Variants in MEIOB observed in about 807,000 individuals in gnomAD.
The protein encoded by MEIOB is meiosis-specific with OB domain-containing protein.
In MEIOB, 50 loss-of-function variants were observed where a neutral mutation model predicts 53.1. The observed-to-expected ratio is 0.94, with a 90% CI of 0.75 to 1.19. The LOEUF (loss-of-function observed/expected upper bound fraction) is 1.19. MEIOB is among the 50% of genes most tolerant of loss of function. MEIOB has a pLI of 0.00. For missense variants in MEIOB, 551 were observed against 550.8 expected (o/e 1.00, Z 0.00); for synonymous variants, 192 against 182.5 (o/e 1.05, Z -0.42).
At chr16:1,867,981 C>A in intron 2 of MEIOB, 126 bp downstream of exon 2, 2 of 528,654 alleles carry the variant, frequency 3.8e-6, no homozygotes, top group Non-Finnish European at 6.9e-6. Flanking sequence ...ACAATTATAC[C>A]AATGCAATGA....
At chr16:1,866,952 C>T (rs1899609072) in intron 2 of MEIOB, among the ~76,000 whole-genome samples, 1 of 152,056 alleles carries the variant, frequency 6.6e-6, no homozygotes, top group African/African-American at 2.4e-5. Context: ...CTTATACTTG[C>T]AGATCTCACT....
chr16:1,842,878 G>C (rs1402657226), intron 10 of MEIOB, among the ~76,000 whole-genome samples: 2 of 149,114 alleles, frequency 1.3e-5, no homozygotes, highest in South Asian at 2.1e-4. Context: ...TAGCCAGGAT[G>C]GTTTCCATCT....
At position 1,839,409 on chromosome 16, in the gene MEIOB, G is replaced by A. The variant is rs1898839021; in HGVS notation, c.1064C>T (p.Ala355Val). The A allele has an allele frequency of 1.2e-6, 2 of 1,613,058 alleles. No individual in the cohort carries two copies. Among genetic ancestry groups the A allele is most frequent in the African/African-American group, 2.7e-5 (2 of 74,872 alleles). Residue 355 changes from alanine (A) to valine (V), a missense_variant, in exon 12 of 14, where the codon GCA (alanine) becomes GTA (valine). Coordinates refer to ENST00000325962, the MANE Select transcript of MEIOB (RefSeq NM_001163560.3). ...CSSCGYIVNE[A>V]SNMCTTCNKN... ...GTTGCAAGTTGTGCACATGTTAGAT[G>A]CTTCATTTACAATATAACCACAGCT...
In MEIOB at chr16:1,869,313, C is replaced by T. The variant is rs573170711; in HGVS notation, c.-9-1129G>A. On this transcript the variant is annotated intron_variant, in intron 1 of 13. Transcript: ENST00000325962. ...CCAATTTTTGTATTTTTAGTAGAGA[C>T]GAGGTTTCACCATGTTGGCCAGGCT... Among the ~76,000 whole-genome samples the T allele has an allele frequency of 5.3e-5, 8 of 150,934 alleles. No individual in the cohort carries two copies. In the South Asian group the frequency reaches 6.3e-4, roughly 12 times the overall value.
intron 13 of MEIOB, among the ~76,000 whole-genome samples, chr16:1,836,514 T>C (rs1289296170): frequency 6.6e-6 from 1 of 152,020 alleles, no homozygotes; most frequent in East Asian, 1.9e-4. Context: ...TAGGGGCCCA[T>C]GCTAACTGTT....
intron 6 of MEIOB, among the ~76,000 whole-genome samples, chr16:1,854,810 C>G (rs1742426): frequency 0.83 from 124,953 of 151,266 alleles, 51,728 homozygotes; most frequent in Middle Eastern, 0.9. Context: ...AAGTGGAAAT[C>G]CTCTTGCCCA....
chr16:1,847,209 C>A (rs1318529089), intron 9 of MEIOB, among the ~76,000 whole-genome samples: 1 of 151,616 alleles, frequency 6.6e-6, no homozygotes, highest in African/African-American at 2.4e-5. Context: ...CGCCTGTAAT[C>A]CCAGAACTGT....
chr16:1,851,889 T>C (rs1234903189), intron 9 of MEIOB, among the ~76,000 whole-genome samples: 1 of 152,184 alleles, frequency 6.6e-6, no homozygotes, highest in African/African-American at 2.4e-5. Flanking sequence ...ACTCCATTTC[T>C]TTAGCAGTAC....
chr16:1,845,362 A>T (rs779479354), intron 9 of MEIOB, among the ~76,000 whole-genome samples: 2 of 152,120 alleles, frequency 1.3e-5, no homozygotes, highest in Non-Finnish European at 2.9e-5. Context: ...TACTAAAAAT[A>T]CAAAAAAATT....
At chr16:1,857,037 C>T (rs1899326008) in intron 6 of MEIOB, among the ~76,000 whole-genome samples, 2 of 152,178 alleles carry the variant, frequency 1.3e-5, no homozygotes, top group South Asian at 4.1e-4. Flanking sequence ...GCTAGGATCA[C>T]AGGTGTAAGC....
chr16:1,870,970 C>A (rs1360090886), intron 1 of MEIOB, among the ~76,000 whole-genome samples: 2 of 152,002 alleles, frequency 1.3e-5, no homozygotes, highest in Admixed American at 1.3e-4. Context: ...CAAGGGATTT[C>A]TCCACATTTT....
chr16:1,839,702 T>G, intron 11 of MEIOB: 1 of 374,842 alleles, frequency 2.7e-6, no homozygotes, highest in East Asian at 5.2e-5. Flanking sequence ...TCGAGGTCCA[T>G]CCCAGTCTCA....
chr16:1,845,182 C>T (rs987779026), intron 9 of MEIOB, among the ~76,000 whole-genome samples: 12 of 152,150 alleles, frequency 7.9e-5, no homozygotes, highest in South Asian at 2.1e-4. Flanking sequence ...AAAAGAGCAG[C>T]TTACTAACCT....
In MEIOB at chr16:1,853,138, T is replaced by C; in HGVS notation, c.683-4A>G. 1 of 1,607,230 alleles carries C rather than the reference T, an allele frequency of 6.2e-7. No homozygotes were observed. Among genetic ancestry groups the C allele is most frequent in the Non-Finnish European group, 8.5e-7 (1 of 1,175,116 alleles). The stretch of plus-strand genomic sequence containing the variant: ...CTTACATCTGAGGCAAATATTACTG[T>C]TTGGGAAAAAAGCCATTTAAAATTA... On this transcript the variant is annotated splice_region_variant and splice_polypyrimidine_tract_variant and intron_variant, in intron 8 of 13. Coordinates refer to ENST00000325962, the MANE Select transcript of MEIOB (RefSeq NM_001163560.3).
In MEIOB at chr16:1,839,403, T is replaced by A. The variant is rs1429585900; in HGVS notation, c.1070A>T (p.Asn357Ile). The A allele has an allele frequency of 1.2e-6, 2 of 1,613,226 alleles. No homozygotes were observed. Among genetic ancestry groups the A allele is most frequent in the South Asian group, 2.2e-5 (2 of 90,824 alleles). The change falls in exon 12 of 14, where the codon AAC becomes ATC. Residue 357 changes from asparagine to isoleucine, a missense_variant. By Grantham distance (149) the Asn-to-Ile change is moderately radical. Coordinates refer to ENST00000325962, the MANE Select transcript of MEIOB (RefSeq NM_001163560.3). ...SCGYIVNEAS[N>I]MCTTCNKNSL... ...GTTTTTGTTGCAAGTTGTGCACATG[T>A]TAGATGCTTCATTTACAATATAACC...
At position 1,868,611 on chromosome 16, in the gene MEIOB, T is replaced by C. The variant is rs139031819; in HGVS notation, c.-9-427A>G. On this transcript the variant is annotated intron_variant, in intron 1 of 13. Coordinates refer to ENST00000325962, the MANE Select transcript of MEIOB (RefSeq NM_001163560.3). ...TGGCTCATGCCTATTATCCCAGCAC[T>C]TTTGGAGGCCGAGGAGGGCGGATCA... is the stretch of plus-strand genomic sequence containing the variant. 4.2e-4 allele frequency among the ~76,000 whole-genome samples: 64 copies of C among 152,094 alleles called. 2 individuals carry two copies. In the East Asian group the frequency reaches 0.012, roughly 29 times the overall value.
chr16:1,865,699 T>G lies in MEIOB; in HGVS notation c.127+79A>C, dbSNP rs138823055. 2.3e-5 allele frequency: 24 copies of G among 1,038,446 alleles called. No individual in the cohort carries two copies. In the East Asian group the frequency reaches 6.1e-4, roughly 26 times the overall value. 64.3% of individuals were successfully genotyped at this position (1,038,446 alleles called of 1,614,324 possible). The stretch of plus-strand genomic sequence containing the variant: ...AGGAGTTAAACAGGCATAGAAAAAT[T>G]AATCACTTCAATATACTTTGTTGTA... On this transcript the variant is annotated intron_variant, in intron 3 of 13. Transcript: ENST00000325962.
intron 1 of MEIOB, among the ~76,000 whole-genome samples, chr16:1,870,599 G>A (rs980544322): frequency 6.6e-6 from 1 of 152,204 alleles, no homozygotes; most frequent in Non-Finnish European, 1.5e-5. Context: ...GCAGTGAAAA[G>A]TAGAAACAGT....
chr16:1,861,692 G>A (rs1398995409), intron 4 of MEIOB, among the ~76,000 whole-genome samples: 3 of 151,638 alleles, frequency 2.0e-5, no homozygotes, highest in South Asian at 2.1e-4. Context: ...ACAGGCCCAC[G>A]CCACCACACC....
Sources: allele counts gnomAD v4.1 joint callset (sites outside exome capture counted in the v4.1 genomes callset), GRCh38; gene constraint gnomAD v4.1.1; transcripts MANE v1.5; gene names NCBI Gene and HGNC (gene_info 2026-07-23, HGNC 2026-07-21).